ITFG1: variants seen among roughly 807,000 people sequenced by gnomAD.
ITFG1 encodes the protein T-cell immunomodulatory protein.
A neutral mutation model predicts 81.8 loss-of-function variants in ITFG1; 34 were observed. That is an observed-to-expected ratio of 0.42 (90% CI 0.32 to 0.55). ITFG1 has a LOEUF of 0.55. Ranked by LOEUF, ITFG1 falls within the 20% of genes least tolerant of loss-of-function variation. ITFG1 has a pLI of 0.17. For missense variants in ITFG1, 672 were observed against 755.4 expected, an observed-to-expected ratio of 0.89 and a Z score of 1.29; for synonymous variants, 285 against 270.6, an observed-to-expected ratio of 1.05 and a Z score of -0.52.
intron 6 of ITFG1, among the ~76,000 whole-genome samples, chr16:47,385,614 T>A (rs1326287374): frequency 6.6e-6 from 1 of 152,242 alleles, no homozygotes; most frequent in East Asian, 1.9e-4. Flanking sequence ...AAAGCCTATC[T>A]TCAATCATTC....
chr16:47,273,014 T>C (rs1383714847), intron 10 of ITFG1, among the ~76,000 whole-genome samples: 1 of 151,258 alleles, frequency 6.6e-6, no homozygotes, highest in Non-Finnish European at 1.5e-5. Flanking sequence ...TTATTCTAGG[T>C]GGTTAATGTG....
chr16:47,250,539 T>A (rs546017994), intron 12 of ITFG1, among the ~76,000 whole-genome samples: 1 of 152,204 alleles, frequency 6.6e-6, no homozygotes, highest in South Asian at 2.1e-4. Context: ...TACTAAAATA[T>A]CATATTGTAC....
chr16:47,312,314 C>T (rs1220518071), intron 9 of ITFG1: 1 of 152,114 alleles, frequency 6.6e-6, no homozygotes, highest in Admixed American at 6.6e-5. Context: ...GCCAAACATA[C>T]CTAGAGATTC....
At chr16:47,265,783 T>C (rs1966268624) in intron 10 of ITFG1, among the ~76,000 whole-genome samples, 1 of 152,136 alleles carries the variant, frequency 6.6e-6, no homozygotes, top group Non-Finnish European at 1.5e-5. Flanking sequence ...ATAAAGGGTC[T>C]AAACACACAA....
At chr16:47,254,585 T>A (rs1966118631) in intron 12 of ITFG1, among the ~76,000 whole-genome samples, 1 of 152,106 alleles carries the variant, frequency 6.6e-6, no homozygotes, top group Non-Finnish European at 1.5e-5. Flanking sequence ...GACAGTTCAA[T>A]CACATTCTAT....
At chr16:47,426,018 T>C (rs1332556520) in intron 6 of ITFG1, 3 of 152,232 alleles carry the variant, frequency 2.0e-5, no homozygotes, top group Non-Finnish European at 4.4e-5. Context: ...ACTGGTAACA[T>C]TTGAGTCCTT....
At chr16:47,312,478 T>A (rs1416133299) in intron 9 of ITFG1, among the ~76,000 whole-genome samples, 1 of 152,014 alleles carries the variant, frequency 6.6e-6, no homozygotes, top group Non-Finnish European at 1.5e-5. Flanking sequence ...AAAAGGAAAC[T>A]TGGTAAAGAC....
chr16:47,165,826 A>G (rs1188693384), intron 14 of ITFG1, among the ~76,000 whole-genome samples: 1 of 152,192 alleles, frequency 6.6e-6, no homozygotes, highest in Non-Finnish European at 1.5e-5. Flanking sequence ...AGCCTGGGAG[A>G]TAGAGTAAGA....
intron 5 of ITFG1, among the ~76,000 whole-genome samples, chr16:47,439,154 G>A (rs1341431185): frequency 1.3e-5 from 2 of 152,116 alleles, no homozygotes; most frequent in Admixed American, 6.6e-5. Flanking sequence ...AGAAAGAAAC[G>A]AGCAAAGCCT....
At chr16:47,263,191 T>C in intron 10 of ITFG1, 1 of 311,074 alleles carries the variant, frequency 3.2e-6, no homozygotes, top group South Asian at 3.8e-5. Flanking sequence ...GTGGCTGGGA[T>C]AGGAGAGGCC....
intron 12 of ITFG1, among the ~76,000 whole-genome samples, chr16:47,256,631 T>C (rs1420272996): frequency 6.6e-6 from 1 of 152,190 alleles, no homozygotes; most frequent in South Asian, 2.1e-4. Context: ...ACATGGATAA[T>C]TAAAAGTATA....
At chr16:47,392,100 T>C (rs1968538806) in intron 6 of ITFG1, among the ~76,000 whole-genome samples, 1 of 152,112 alleles carries the variant, frequency 6.6e-6, no homozygotes, top group South Asian at 2.1e-4. Flanking sequence ...AAAGCAAACT[T>C]ACAAAGTGAT....
chr16:47,309,100 G>A (rs1391523720), intron 10 of ITFG1, among the ~76,000 whole-genome samples: 1 of 130,926 alleles, frequency 7.6e-6, no homozygotes, highest in Non-Finnish European at 1.6e-5. Context: ...ATGGCGTCTT[G>A]CTCTGTCGCC....
At chr16:47,207,937 T>C (rs147825825) in intron 14 of ITFG1, among the ~76,000 whole-genome samples, 4 of 152,318 alleles carry the variant, frequency 2.6e-5, no homozygotes, top group Admixed American at 6.5e-5. Flanking sequence ...GAATAATTAC[T>C]ATGTACCAGG....
At chr16:47,295,472 T>C (rs1330398186) in intron 10 of ITFG1, among the ~76,000 whole-genome samples, 1 of 152,182 alleles carries the variant, frequency 6.6e-6, no homozygotes, top group African/African-American at 2.4e-5. Context: ...GGGAGATGTT[T>C]TTATACTGAT....
intron 6 of ITFG1, among the ~76,000 whole-genome samples, chr16:47,395,140 T>C (rs929973099): frequency 1.3e-5 from 2 of 152,142 alleles, no homozygotes; most frequent in African/African-American, 4.8e-5. Context: ...ACATTTAGTA[T>C]TAATAGACTT....
intron 5 of ITFG1, among the ~76,000 whole-genome samples, chr16:47,437,150 T>C (rs1470966131): frequency 6.6e-6 from 1 of 152,146 alleles, no homozygotes; most frequent in African/African-American, 2.4e-5. Context: ...GTGATGAACA[T>C]GTTGTGATTA....
At chr16:47,217,960 C>G (rs1053446073) in intron 14 of ITFG1, 7 of 152,086 alleles carry the variant, frequency 4.6e-5, no homozygotes, top group African/African-American at 1.7e-4. Context: ...TTGTGTTTGT[C>G]AATTTCTCCT....
At chr16:47,237,665 G>A (rs533670209) in intron 13 of ITFG1, among the ~76,000 whole-genome samples, 1 of 152,136 alleles carries the variant, frequency 6.6e-6, no homozygotes, top group South Asian at 2.1e-4. Context: ...GTGTGGAGAG[G>A]CATCTAATCT....
Sources: gnomAD v4.1 joint callset for allele counts (sites outside exome capture counted in the v4.1 genomes callset) on GRCh38, gnomAD v4.1.1 for gene constraint, MANE v1.5 for transcripts, NCBI Gene and HGNC (gene_info 2026-07-23, HGNC 2026-07-21) for gene names.